Variants in C8orf34 observed in about 807,000 individuals in gnomAD.
C8orf34 encodes the protein chromosome 8 open reading frame 34.
A neutral mutation model predicts 68.3 loss-of-function variants in C8orf34; 65 were observed. The observed-to-expected ratio is 0.95, with a 90% CI of 0.78 to 1.17. The LOEUF is 1.17. Ranked by LOEUF, C8orf34 falls within the 50% of genes most tolerant of loss-of-function variation. C8orf34 has a pLI of 0.00. For synonymous variants in C8orf34, 244 were observed against 241.2 expected (o/e 1.01, Z -0.11); for missense variants, 664 against 655.4 (o/e 1.01, Z -0.14).
intron 5 of C8orf34, among the ~76,000 whole-genome samples, chr8:68,506,469 G>C (rs1028889516): frequency 6.6e-6 from 1 of 152,176 alleles, no homozygotes; most frequent in African/African-American, 2.4e-5. Flanking sequence ...GAGTAGCTGG[G>C]ACTACAGTCA....
chr8:68,545,778 T>C (rs1000350766), intron 7 of C8orf34, among the ~76,000 whole-genome samples: 1 of 152,138 alleles, frequency 6.6e-6, no homozygotes, highest in Non-Finnish European at 1.5e-5. Flanking sequence ...ATCAGATCTA[T>C]AGAAAAGAAT....
intron 1 of C8orf34, among the ~76,000 whole-genome samples, chr8:68,371,852 C>T (rs927463410): frequency 1.3e-5 from 2 of 152,088 alleles, no homozygotes; most frequent in Non-Finnish European, 2.9e-5. Context: ...CCTGCCTCAG[C>T]CTCCCAAAGT....
At chr8:68,406,554 TG>T (rs1219361751) in intron 1 of C8orf34, among the ~76,000 whole-genome samples, 2 of 152,102 alleles carry the variant, frequency 1.3e-5, no homozygotes, top group Non-Finnish European at 2.9e-5. Flanking sequence ...TAGAGTGCAG[TG>T]GCGTGATCTC....
At chr8:68,717,919 A>G (rs1358361577) in intron 9 of C8orf34, among the ~76,000 whole-genome samples, 1 of 152,186 alleles carries the variant, frequency 6.6e-6, no homozygotes, top group Non-Finnish European at 1.5e-5. Flanking sequence ...AACATTAAGT[A>G]ATGTGTCACT....
At chr8:68,366,871 T>G (rs1325773383) in intron 1 of C8orf34, among the ~76,000 whole-genome samples, 1,443 of 142,102 alleles carry the variant, frequency 0.01, 13 homozygotes, top group Non-Finnish European at 0.012. Context: ...CCAAAAGCAA[T>G]GGCAACAAAA....
At chr8:68,673,452 G>A (rs1333935413) in intron 8 of C8orf34, among the ~76,000 whole-genome samples, 1 of 152,106 alleles carries the variant, frequency 6.6e-6, no homozygotes, top group East Asian at 1.9e-4. Context: ...ACCACAAGCT[G>A]ATGGAGGAGA....
chr8:68,416,294 G>A (rs1183851710), intron 1 of C8orf34, among the ~76,000 whole-genome samples: 1 of 151,898 alleles, frequency 6.6e-6, no homozygotes, highest in Non-Finnish European at 1.5e-5. Flanking sequence ...TCTCTCCATA[G>A]GACTCATCAT....
Position 68,343,990 on chromosome 8 carries a change from G to T in C8orf34, c.327+12651G>T, listed in dbSNP as rs530252155. Among the ~76,000 whole-genome samples the T allele has an allele frequency of 5.3e-5, 8 of 152,252 alleles. No individual in the cohort carries two copies. In the East Asian group the frequency reaches 1.5e-3, roughly 29 times the overall value. ...AATCTGCCTGTCTCGGCCTCCCAAA[G>T]TTCTGAGATTACAGGTGTGAGCCAA... On this transcript the variant is annotated intron_variant, in intron 1 of 13. Coordinates refer to ENST00000518698, the MANE Select transcript of C8orf34 (RefSeq NM_052958.4).
At chr8:68,577,796 T>G (rs1563540676) in intron 7 of C8orf34, among the ~76,000 whole-genome samples, 1 of 151,964 alleles carries the variant, frequency 6.6e-6, no homozygotes, top group Non-Finnish European at 1.5e-5. Context: ...ACAATATGTT[T>G]TTATGTAAAG....
At chr8:68,479,014 C>T (rs1812742987) in intron 4 of C8orf34, among the ~76,000 whole-genome samples, 1 of 151,970 alleles carries the variant, frequency 6.6e-6, no homozygotes, top group Non-Finnish European at 1.5e-5. Context: ...TTTTATTTTT[C>T]CCTATTTTTT....
intron 12 of C8orf34, among the ~76,000 whole-genome samples, chr8:68,793,232 G>A (rs888113925): frequency 2.6e-5 from 4 of 152,128 alleles, no homozygotes; most frequent in African/African-American, 9.7e-5. Flanking sequence ...TATAAAAATA[G>A]TAAAGTTAAA....
chr8:68,661,489 T>C (rs1819677861), intron 8 of C8orf34, among the ~76,000 whole-genome samples: 1 of 152,178 alleles, frequency 6.6e-6, no homozygotes, highest in Non-Finnish European at 1.5e-5. Context: ...GTGAATGGAA[T>C]AGAATTTATT....
At chr8:68,361,668 T>C (rs1320939338) in intron 1 of C8orf34, among the ~76,000 whole-genome samples, 1 of 152,246 alleles carries the variant, frequency 6.6e-6, no homozygotes, top group Non-Finnish European at 1.5e-5. Flanking sequence ...GTTACTTAAC[T>C]ACTTTCTGGG....
rs1004635089 is a variant in C8orf34, at chr8:68,452,344, T to C, written c.607+5884T>C. On this transcript the variant is annotated intron_variant, in intron 3 of 13. Coordinates refer to ENST00000518698, the MANE Select transcript of C8orf34 (RefSeq NM_052958.4). ...GCTGCCAACTTTTTTTCAAAGAAGC[T>C]GCACCATTTCACATGCTTACTAGCA... Among the ~76,000 whole-genome samples the C allele has an allele frequency of 3.3e-5, 5 of 151,804 alleles. No homozygotes were observed. The East Asian group carries it at 7.7e-4, about 23-fold the overall frequency.
intron 7 of C8orf34, among the ~76,000 whole-genome samples, chr8:68,572,308 T>A (rs1044055532): frequency 2.6e-5 from 4 of 152,008 alleles, no homozygotes; most frequent in Admixed American, 2.6e-4. Context: ...TTTTCAATAA[T>A]TGGTCTTCTT....
At chr8:68,448,494 G>T (rs1474409069) in intron 3 of C8orf34, among the ~76,000 whole-genome samples, 2 of 152,222 alleles carry the variant, frequency 1.3e-5, no homozygotes, top group African/African-American at 4.8e-5. Flanking sequence ...ATGAGTTAAA[G>T]ATGCATTTTT....
At chr8:68,769,272 T>C (rs1456251998) in intron 10 of C8orf34, among the ~76,000 whole-genome samples, 1 of 151,952 alleles carries the variant, frequency 6.6e-6, no homozygotes, top group Non-Finnish European at 1.5e-5. Context: ...TTTCCTAAGA[T>C]TTTTTCTAAA....
intron 1 of C8orf34, among the ~76,000 whole-genome samples, chr8:68,332,095 T>G (rs1284188448): frequency 4.6e-5 from 7 of 151,978 alleles, no homozygotes; most frequent in Admixed American, 4.6e-4. Flanking sequence ...GTTTTGTTTT[T>G]TTTTCTCTCT....
intron 3 of C8orf34, among the ~76,000 whole-genome samples, chr8:68,448,196 T>G (rs1446775014): frequency 6.6e-6 from 1 of 152,174 alleles, no homozygotes; most frequent in Non-Finnish European, 1.5e-5. Flanking sequence ...GGTCCTGTGT[T>G]CTTTGTAGGA....
Sources: allele counts gnomAD v4.1 joint callset (sites outside exome capture counted in the v4.1 genomes callset), GRCh38; gene constraint gnomAD v4.1.1; transcripts MANE v1.5; gene names NCBI Gene and HGNC (gene_info 2026-07-23, HGNC 2026-07-21).